Variants in CREB5 observed in about 807,000 individuals in gnomAD.
The protein encoded by CREB5 is cyclic AMP-responsive element-binding protein 5.
Under a neutral mutation model 57.1 loss-of-function variants are expected in CREB5, and 19 were observed. The observed-to-expected ratio is 0.33, with a 90% CI of 0.23 to 0.49. The LOEUF is 0.49. CREB5 is among the 20% of genes least tolerant of loss of function. CREB5 has a pLI of 0.99. For synonymous variants in CREB5, 238 were observed against 238.3 expected (o/e 1.00, Z 0.01); for missense variants, 579 against 671.6 (o/e 0.86, Z 1.52).
chr7:28,515,523 C>T (rs1049664359), intron 4 of CREB5, among the ~76,000 whole-genome samples: 1 of 152,174 alleles, frequency 6.6e-6, no homozygotes, highest in Non-Finnish European at 1.5e-5. Context: ...CTATTCCTCA[C>T]TCAACATGCC....
chr7:28,541,307 ATTAGGAG>A (rs1414962841), intron 4 of CREB5, among the ~76,000 whole-genome samples: 1 of 152,172 alleles, frequency 6.6e-6, no homozygotes, highest in Non-Finnish European at 1.5e-5. Context: ...TCGACCATAT[ATTAGGAG>A]TGTGGCTTAT....
chr7:28,742,697 A>C (rs1804442264), intron 7 of CREB5, among the ~76,000 whole-genome samples: 1 of 152,202 alleles, frequency 6.6e-6, no homozygotes. Context: ...CTTAAAACAT[A>C]AGTTACTCAC....
At chr7:28,338,041 G>A (rs115930137) in intron 1 of CREB5, among the ~76,000 whole-genome samples, 1,677 of 152,064 alleles carry the variant, frequency 0.011, 32 homozygotes, top group African/African-American at 0.038. Flanking sequence ...TTAACTTTAT[G>A]TTGTTTCTAT....
chr7:28,641,082 G>A (rs1298914820), intron 5 of CREB5, among the ~76,000 whole-genome samples: 1 of 152,098 alleles, frequency 6.6e-6, no homozygotes, highest in Non-Finnish European at 1.5e-5. Flanking sequence ...CAAGTCAGGG[G>A]CCTACATTCC....
At chr7:28,782,012 C>G (rs1425753611) in intron 7 of CREB5, among the ~76,000 whole-genome samples, 1 of 151,650 alleles carries the variant, frequency 6.6e-6, no homozygotes, top group Non-Finnish European at 1.5e-5. Flanking sequence ...GAGATCTACC[C>G]CTCAGCTTCC....
intron 5 of CREB5, among the ~76,000 whole-genome samples, chr7:28,586,314 C>T (rs943296268): frequency 3.9e-5 from 6 of 152,130 alleles, no homozygotes; most frequent in African/African-American, 9.7e-5. Flanking sequence ...GAGGAGGCAG[C>T]GAGTTCCCCC....
At position 28,561,001 on chromosome 7, in the gene CREB5, T is replaced by C. The variant is rs1369602840; in HGVS notation, c.292-9364T>C. 6.0e-3 allele frequency among the ~76,000 whole-genome samples: 150 copies of C among 25,130 alleles called. 7 individuals are homozygous for C. The highest frequency in any genetic ancestry group is 7.6e-3 in the Non-Finnish European group (83 of 10,876). 16.5% of individuals were successfully genotyped at this position (25,130 alleles called of 152,430 possible). Reference sequence around the variant, plus strand: ...GTGTGCGTGCGTGTGTGTGCCTGCGTGTGCGTGTGTGTGTGCGTGTGTGCG... The same window carrying C: ...GTGTGCGTGCGTGTGTGTGCCTGCGCGTGCGTGTGTGTGTGCGTGTGTGCG... On this transcript the variant is annotated intron_variant, in intron 4 of 10. Coordinates refer to ENST00000357727, the MANE Select transcript of CREB5 (RefSeq NM_182898.4).
At chr7:28,816,125 TG>T (rs889836462) in intron 9 of CREB5, among the ~76,000 whole-genome samples, 44 of 152,060 alleles carry the variant, frequency 2.9e-4, no homozygotes, top group African/African-American at 1.0e-3. Flanking sequence ...TTTGTTTGGT[TG>T]TTTTTTTTTA....
intron 1 of CREB5, among the ~76,000 whole-genome samples, chr7:28,334,706 C>A (rs981061476): frequency 3.9e-5 from 6 of 152,046 alleles, no homozygotes; most frequent in South Asian, 4.1e-4. Flanking sequence ...AACTTGTGAT[C>A]CCCATTTGTC....
chr7:28,562,089 A>G (rs216743), intron 4 of CREB5, among the ~76,000 whole-genome samples: 134,789 of 152,324 alleles, frequency 0.88, 59,715 homozygotes, highest in South Asian at 0.96. Flanking sequence ...CTAATGTCCA[A>G]GATTTTGGTG....
At chr7:28,392,977 G>T (rs42697) in intron 1 of CREB5, among the ~76,000 whole-genome samples, 101,673 of 151,638 alleles carry the variant, frequency 0.67, 34,878 homozygotes, top group African/African-American at 0.83. Context: ...TACACTGGAG[G>T]GCCATGGTGT....
At chr7:28,784,798 G>A (rs575090392) in intron 7 of CREB5, among the ~76,000 whole-genome samples, 1 of 152,256 alleles carries the variant, frequency 6.6e-6, no homozygotes, top group South Asian at 2.1e-4. Flanking sequence ...AGCCTCTAAT[G>A]CCAAACAGCT....
intron 4 of CREB5, among the ~76,000 whole-genome samples, chr7:28,560,764 G>C (rs1795054123): frequency 6.6e-6 from 1 of 151,930 alleles, no homozygotes; most frequent in Non-Finnish European, 1.5e-5. Flanking sequence ...TGGTATAATT[G>C]GCTCTCGGTG....
At chr7:28,313,342 T>G (rs976213675) in intron 1 of CREB5, among the ~76,000 whole-genome samples, 23 of 152,218 alleles carry the variant, frequency 1.5e-4, no homozygotes, top group Non-Finnish European at 7.3e-5. Context: ...TGAAACCTGT[T>G]TTCCTATCCC....
intron 4 of CREB5, among the ~76,000 whole-genome samples, chr7:28,514,062 G>T (rs1196298669): frequency 6.6e-6 from 1 of 152,190 alleles, no homozygotes; most frequent in Non-Finnish European, 1.5e-5. Context: ...AGGAATACTG[G>T]CTAAGATGGT....
At chr7:28,471,662 C>T (rs897014821) in intron 1 of CREB5, among the ~76,000 whole-genome samples, 2 of 152,104 alleles carry the variant, frequency 1.3e-5, no homozygotes, top group East Asian at 1.9e-4. Flanking sequence ...CTAAAAGAAC[C>T]TTAGACGTTT....
intron 1 of CREB5, among the ~76,000 whole-genome samples, chr7:28,399,034 T>C (rs1787393055): frequency 6.6e-6 from 1 of 152,164 alleles, no homozygotes. Flanking sequence ...TTTCTTCCCG[T>C]CTGATGTTCT....
chr7:28,612,799 T>G (rs1170452148), intron 5 of CREB5, among the ~76,000 whole-genome samples: 4 of 152,158 alleles, frequency 2.6e-5, no homozygotes, highest in Admixed American at 6.5e-5. Flanking sequence ...TGTTAAATAA[T>G]GTTGAATTGT....
At chr7:28,345,217 C>G (rs1012217880) in intron 1 of CREB5, among the ~76,000 whole-genome samples, 1 of 151,526 alleles carries the variant, frequency 6.6e-6, no homozygotes, top group Non-Finnish European at 1.5e-5. Context: ...ACATTCTTCT[C>G]TAGTGTACAT....
Sources: gnomAD v4.1 joint callset for allele counts (sites outside exome capture counted in the v4.1 genomes callset) on GRCh38, gnomAD v4.1.1 for gene constraint, MANE v1.5 for transcripts, NCBI Gene and HGNC (gene_info 2026-07-23, HGNC 2026-07-21) for gene names.